The following ELOVL7 variants were observed in gnomAD, a reference collection of about 807,000 sequenced individuals.
The protein encoded by ELOVL7 is ELOVL fatty acid elongase 7, also known as very long chain fatty acid elongase 7.
ELOVL7 carries 27 observed loss-of-function variants against 35.7 expected under a neutral mutation model. The observed-to-expected ratio is 0.76, with a 90% CI of 0.56 to 1.04. ELOVL7 has a LOEUF of 1.04. Among genes scored for constraint, ELOVL7 ranks in the 50% least tolerant of loss-of-function variants. The pLI, the probability that ELOVL7 is intolerant of heterozygous loss-of-function variation, is 0.00. For synonymous variants in ELOVL7, 113 were observed against 114.6 expected, an observed-to-expected ratio of 0.99 and a Z score of 0.09; for missense variants, 327 against 340.8, an observed-to-expected ratio of 0.96 and a Z score of 0.32.
intron 2 of ELOVL7, among the ~76,000 whole-genome samples, chr5:60,788,212 A>C (rs866795403): frequency 1.3e-5 from 2 of 152,278 alleles, no homozygotes; most frequent in South Asian, 4.1e-4. Context: ...AAATATACCT[A>C]AGATGTATAT....
chr5:60,780,830 A>C (rs1743205590), intron 3 of ELOVL7, among the ~76,000 whole-genome samples: 1 of 151,988 alleles, frequency 6.6e-6, no homozygotes, highest in South Asian at 2.1e-4. Flanking sequence ...CCCTCCCACG[A>C]CATGTGGGAA....
rs901145181 is a variant in ELOVL7 at position 60,752,046 on chromosome 5, T to C, written c.*2578A>G. ...TAGAGATTTATGTAATAAACTAGAT[T>C]TTGGAACTATTTATTTTGTTGTTGT... On this transcript the variant is annotated 3_prime_UTR_variant, in exon 9 of 9. Transcript: ENST00000508821. 4.6e-5 allele frequency: 7 copies of C among 152,194 alleles called. No individual in the cohort carries two copies. The highest frequency in any genetic ancestry group is 1.7e-4 in the African/African-American group (7 of 41,444). The allele number at this position is 152,194 out of a possible 1,614,324, so 9.4% of individuals were successfully genotyped here.
At chr5:60,817,598 A>T (rs1418324503) in intron 1 of ELOVL7, among the ~76,000 whole-genome samples, 5 of 147,392 alleles carry the variant, frequency 3.4e-5, no homozygotes, top group Admixed American at 1.4e-4. Context: ...TATATATATT[A>T]GTATATATAT....
intron 7 of ELOVL7, among the ~76,000 whole-genome samples, chr5:60,760,695 T>C (rs1306713543): frequency 1.3e-5 from 2 of 152,226 alleles, no homozygotes; most frequent in Non-Finnish European, 2.9e-5. Flanking sequence ...TTTGGTGTTG[T>C]AGACATGAAG....
intron 3 of ELOVL7, among the ~76,000 whole-genome samples, chr5:60,774,489 G>A (rs1371579044): frequency 6.6e-6 from 1 of 151,924 alleles, no homozygotes; most frequent in Non-Finnish European, 1.5e-5. Context: ...GACATTAAAG[G>A]AACATACCTC....
At chr5:60,802,117 T>TAC (rs34511373) in intron 1 of ELOVL7, among the ~76,000 whole-genome samples, 625 of 11,842 alleles carry the variant, frequency 0.053, 22 homozygotes, top group African/African-American at 0.095. Flanking sequence ...TATATATATA[T>TAC]ACACACACAC....
chr5:60,837,126 A>C (rs1746841975), intron 1 of ELOVL7, among the ~76,000 whole-genome samples: 1 of 151,672 alleles, frequency 6.6e-6, no homozygotes, highest in South Asian at 2.1e-4. Context: ...ATTCATTAGA[A>C]AATACAAGTA....
intron 1 of ELOVL7, among the ~76,000 whole-genome samples, chr5:60,818,371 A>G (rs943516173): frequency 2.6e-5 from 4 of 151,706 alleles, no homozygotes; most frequent in African/African-American, 9.7e-5. Context: ...GGAATGAAAT[A>G]GCTTTACCTA....
intron 7 of ELOVL7, among the ~76,000 whole-genome samples, chr5:60,762,566 A>G (rs1741993138): frequency 6.6e-6 from 1 of 152,140 alleles, no homozygotes; most frequent in African/African-American, 2.4e-5. Flanking sequence ...AATATCTCCA[A>G]ACCACCTCTG....
At chr5:60,818,433 A>T (rs12516658) in intron 1 of ELOVL7, among the ~76,000 whole-genome samples, 30,538 of 151,896 alleles carry the variant, frequency 0.2, 3,618 homozygotes, top group Non-Finnish European at 0.27. Flanking sequence ...ACTTCCTTGT[A>T]TGTGCGCAAA....
At chr5:60,791,464 T>A (rs922810632) in intron 2 of ELOVL7, among the ~76,000 whole-genome samples, 1 of 152,106 alleles carries the variant, frequency 6.6e-6, no homozygotes, top group African/African-American at 2.4e-5. Context: ...TAATAGAAGC[T>A]CAAATCTCAG....
At chr5:60,773,891 T>C (rs993045146) in intron 3 of ELOVL7, among the ~76,000 whole-genome samples, 1 of 152,272 alleles carries the variant, frequency 6.6e-6, no homozygotes, top group African/African-American at 2.4e-5. Context: ...TCATCATGAA[T>C]TGCCACGATG....
chr5:60,813,085 A>G (rs946811593), intron 1 of ELOVL7, among the ~76,000 whole-genome samples: 2 of 152,214 alleles, frequency 1.3e-5, no homozygotes, highest in Non-Finnish European at 2.9e-5. Context: ...CATCACAGGA[A>G]GCCTAACTAA....
Position 60,784,171 on chromosome 5 carries a change from G to C in ELOVL7, c.64+3163C>G. On this transcript the variant is annotated intron_variant, in intron 3 of 8. Transcript: ENST00000508821. ...CTTAAGTAGCAGGTACTGGCTCAAA[G>C]AGTACATCTTTAAGATTCCAAGTAC... is the stretch of plus-strand genomic sequence containing the variant. The C allele has an allele frequency of 2.7e-6, 4 of 1,500,066 alleles. No homozygotes were observed. In the South Asian group the frequency reaches 5.0e-5, roughly 19 times the overall value. 92.9% of individuals were successfully genotyped at this position (1,500,066 alleles called of 1,614,324 possible). A position where few individuals can be genotyped will look rare whatever the true frequency, so the allele number is the denominator to read the frequency against.
At position 60,794,880 on chromosome 5, in the gene ELOVL7, G is replaced by A. The variant is rs1447044937; in HGVS notation, c.-35+4300C>T. On this transcript the variant is annotated intron_variant, in intron 2 of 8. Coordinates refer to ENST00000508821, the MANE Select transcript of ELOVL7 (RefSeq NM_024930.3). Reference sequence around the variant, plus strand: ...CAACATAGGGATGGAGCTCTGTGGTGGAACTGGGGACTGCAGGGTAAAAAC... The same window carrying A: ...CAACATAGGGATGGAGCTCTGTGGTAGAACTGGGGACTGCAGGGTAAAAAC... Among the ~76,000 whole-genome samples the A allele has an allele frequency of 6.6e-5, 10 of 152,246 alleles. No individual in the cohort carries two copies. The East Asian group carries it at 1.5e-3, about 24-fold the overall frequency.
At chr5:60,793,332 AG>A (rs1744054289) in intron 2 of ELOVL7, among the ~76,000 whole-genome samples, 1 of 152,188 alleles carries the variant, frequency 6.6e-6, no homozygotes, top group African/African-American at 2.4e-5. Context: ...CAGACCTGGA[AG>A]CCATGGGGAG....
At chr5:60,780,788 T>C (rs999841772) in intron 3 of ELOVL7, among the ~76,000 whole-genome samples, 1 of 152,122 alleles carries the variant, frequency 6.6e-6, no homozygotes, top group Middle Eastern at 3.2e-3. Flanking sequence ...ATGGGGGAAC[T>C]GCGCCCATGA....
At chr5:60,759,294 G>A (rs895486064) in intron 7 of ELOVL7, among the ~76,000 whole-genome samples, 21 of 152,218 alleles carry the variant, frequency 1.4e-4, no homozygotes, top group African/African-American at 3.6e-4. Context: ...TTAATTAAGC[G>A]TATTAACAAC....
chr5:60,777,267 T>C (rs1457780389), intron 3 of ELOVL7, among the ~76,000 whole-genome samples: 1 of 151,714 alleles, frequency 6.6e-6, no homozygotes, highest in Non-Finnish European at 1.5e-5. Context: ...GGATAAATGC[T>C]TGAGGGGATG....
Sources: allele counts gnomAD v4.1 joint callset (sites outside exome capture counted in the v4.1 genomes callset), GRCh38; gene constraint gnomAD v4.1.1; transcripts MANE v1.5; gene names NCBI Gene and HGNC (gene_info 2026-07-23, HGNC 2026-07-21).